The following NRXN3 variants were observed in gnomAD, a reference collection of about 807,000 sequenced individuals.
The protein encoded by NRXN3 is neurexin III.
NRXN3 carries 32 observed loss-of-function variants against 137.6 expected under a neutral mutation model. The observed-to-expected ratio is 0.23, with a 90% CI of 0.18 to 0.31. The LOEUF is 0.31. Ranked by LOEUF, NRXN3 falls within the 10% of genes least tolerant of loss-of-function variation. The pLI is 1.00. For missense variants in NRXN3, 1,574 were observed against 2,062.5 expected, an observed-to-expected ratio of 0.76 and a Z score of 4.59; for synonymous variants, 798 against 784.5, an observed-to-expected ratio of 1.02 and a Z score of -0.29.
chr14:79,741,639 C>T (rs80002619), intron 19 of NRXN3, among the ~76,000 whole-genome samples: 13,536 of 151,978 alleles, frequency 0.089, 765 homozygotes, highest in African/African-American at 0.15. Flanking sequence ...TGTGCATCAC[C>T]ACACTCAGCT....
At chr14:78,471,324 ACACACACACCCC>A (rs1490130474) in intron 4 of NRXN3, among the ~76,000 whole-genome samples, 2 of 91,982 alleles carry the variant, frequency 2.2e-5, no homozygotes, top group African/African-American at 1.0e-4. Flanking sequence ...ACACACACAC[ACACACACACCCC>A]CAAGAAATTC....
Position 79,298,652 on chromosome 14 carries a change from G to A in NRXN3, c.3263-168569G>A, listed in dbSNP as rs188889148. ...AGACTACATCTGTTTTTTTCTTCTA[G>A]CGTAATCACTGGGGTTGTAACAAGC... On this transcript the variant is annotated intron_variant, in intron 15 of 20. Coordinates refer to ENST00000335750, the MANE Select transcript of NRXN3 (RefSeq NM_001330195.2). The A allele has an allele frequency of 2.6e-5, 4 of 152,098 alleles. No homozygotes were observed. In the East Asian group the frequency reaches 7.7e-4, roughly 29 times the overall value. 9.4% of individuals were successfully genotyped at this position (152,098 alleles called of 1,614,324 possible).
chr14:78,334,812 C>A (rs1340173435), intron 4 of NRXN3, among the ~76,000 whole-genome samples: 2 of 152,100 alleles, frequency 1.3e-5, no homozygotes, highest in African/African-American at 4.8e-5. Context: ...AAGAGGGACA[C>A]TGAGCTTACC....
chr14:79,740,730 A>T (rs2098959468), intron 19 of NRXN3, among the ~76,000 whole-genome samples: 1 of 30,306 alleles, frequency 3.3e-5, no homozygotes, highest in Admixed American at 2.4e-4. Flanking sequence ...ATATATATAT[A>T]TATATATATA....
chr14:79,261,048 A>G (rs1261230309), intron 15 of NRXN3, among the ~76,000 whole-genome samples: 1 of 152,104 alleles, frequency 6.6e-6, no homozygotes, highest in Non-Finnish European at 1.5e-5. Context: ...GGAGATTCAA[A>G]GGTAAGAAAG....
chr14:79,446,656 C>A (rs2153579081), intron 15 of NRXN3, among the ~76,000 whole-genome samples: 1 of 152,126 alleles, frequency 6.6e-6, no homozygotes, highest in Non-Finnish European at 1.5e-5. Context: ...TTTCTCCTTT[C>A]CTTCCTTTCT....
intron 1 of NRXN3, among the ~76,000 whole-genome samples, chr14:78,217,765 G>A (rs759975958): frequency 3.3e-5 from 5 of 152,124 alleles, no homozygotes; most frequent in African/African-American, 4.8e-5. Context: ...AGGTTCAAGC[G>A]ATTCTTCTGC....
At position 79,110,991 on chromosome 14, in the gene NRXN3, C is replaced by T. The variant is rs137882805; in HGVS notation, c.3262+122850C>T. 3.9e-3 allele frequency among the ~76,000 whole-genome samples: 593 copies of T among 152,058 alleles called. 1 individual carries two copies. Among genetic ancestry groups the T allele is most frequent in the Middle Eastern group, 0.031 (9 of 294 alleles). ...TCTTTTAGTAGAGATGGGGTTTCAC[C>T]GTGTTAGCCAGGATGGTCTTGATCT... On this transcript the variant is annotated intron_variant, in intron 15 of 20. Transcript: ENST00000335750.
chr14:79,261,286 A>G (rs2077538404), intron 15 of NRXN3, among the ~76,000 whole-genome samples: 1 of 152,202 alleles, frequency 6.6e-6, no homozygotes, highest in Non-Finnish European at 1.5e-5. Context: ...CCAATCTGGT[A>G]TGTGCCAGAA....
chr14:78,565,305 C>T (rs944636101), intron 4 of NRXN3, among the ~76,000 whole-genome samples: 8 of 152,188 alleles, frequency 5.3e-5, no homozygotes, highest in African/African-American at 1.9e-4. Flanking sequence ...AAACAGAGCT[C>T]TACCACCAGG....
intron 4 of NRXN3, among the ~76,000 whole-genome samples, chr14:78,306,540 A>G (rs1049353660): frequency 6.6e-6 from 1 of 152,192 alleles, no homozygotes; most frequent in African/African-American, 2.4e-5. Context: ...GAGAACAAGC[A>G]AAGTGCATTT....
intron 4 of NRXN3, among the ~76,000 whole-genome samples, chr14:78,542,175 A>T (rs1013888014): frequency 6.6e-6 from 1 of 152,182 alleles, no homozygotes. Flanking sequence ...GAGCCCAAAC[A>T]CTGTGCTGAG....
chr14:78,719,797 A>G (rs945056646), intron 8 of NRXN3, among the ~76,000 whole-genome samples: 2 of 152,158 alleles, frequency 1.3e-5, no homozygotes. Flanking sequence ...AGCCAAGATC[A>G]TGCAGTTGCA....
chr14:78,208,892 C>T lies in NRXN3; in HGVS notation c.-703-33499C>T, dbSNP rs80147024. On this transcript the variant is annotated intron_variant, in intron 1 of 20. Transcript: ENST00000335750. ...TTTAATTTGTAGTTCGCGTATGTGT[C>T]CCCATGACGGTTGGGGCCCTGTTTT... 7.8e-3 allele frequency among the ~76,000 whole-genome samples: 1,190 copies of T among 152,286 alleles called. 38 individuals are homozygous for T. The East Asian group carries it at 0.1, about 13-fold the overall frequency.
chr14:78,192,732 G>A (rs983353589), intron 1 of NRXN3, among the ~76,000 whole-genome samples: 8 of 152,186 alleles, frequency 5.3e-5, no homozygotes, highest in Non-Finnish European at 1.0e-4. Flanking sequence ...AGAGAGGGTG[G>A]TGTGGCTCCA....
intron 15 of NRXN3, among the ~76,000 whole-genome samples, chr14:79,159,294 A>G (rs987097227): frequency 5.3e-5 from 8 of 151,658 alleles, no homozygotes; most frequent in South Asian, 2.1e-4. Context: ...TCCTGTTACA[A>G]TTTTTCAAAG....
intron 15 of NRXN3, among the ~76,000 whole-genome samples, chr14:79,065,624 C>A (rs143922088): frequency 1.3e-5 from 2 of 152,016 alleles, no homozygotes; most frequent in African/African-American, 2.4e-5. Context: ...AAGGTGCTGG[C>A]GGGGTTGGTT....
Position 79,563,410 on chromosome 14 carries a change from A to C in NRXN3, c.3444+96008A>C, listed in dbSNP as rs112302556. The stretch of plus-strand genomic sequence containing the variant: ...GACACCCGTTGTTGGTGTAAAGAGC[A>C]AGATCTTTTATGGGTATCAGTTTTA... On this transcript the variant is annotated intron_variant, in intron 16 of 20. Coordinates refer to ENST00000335750, the MANE Select transcript of NRXN3 (RefSeq NM_001330195.2). 8.7e-4 allele frequency among the ~76,000 whole-genome samples: 133 copies of C among 152,254 alleles called. 1 individual carries two copies. In the Middle Eastern group the frequency reaches 0.017, roughly 19 times the overall value.
chr14:78,753,147 A>T (rs2098651130), intron 8 of NRXN3, among the ~76,000 whole-genome samples: 1 of 152,228 alleles, frequency 6.6e-6, no homozygotes, highest in African/African-American at 2.4e-5. Context: ...TGATGGCAGC[A>T]AAATGAATTG....
Sources: gnomAD v4.1 joint callset for allele counts (sites outside exome capture counted in the v4.1 genomes callset) on GRCh38, gnomAD v4.1.1 for gene constraint, MANE v1.5 for transcripts, NCBI Gene and HGNC (gene_info 2026-07-23, HGNC 2026-07-21) for gene names.